Variants in DSCAM observed in about 807,000 individuals in gnomAD.
DSCAM encodes the protein DS cell adhesion molecule, also known as cell adhesion molecule DSCAM.
Under a neutral mutation model 217.7 loss-of-function variants are expected in DSCAM, and 47 were observed. The observed-to-expected ratio is 0.22, with a 90% CI of 0.17 to 0.28. The LOEUF (loss-of-function observed/expected upper bound fraction) is 0.28, where lower values mean the gene tolerates loss of function less well. Ranked by LOEUF, DSCAM falls within the 10% of genes least tolerant of loss-of-function variation. The pLI, the probability that DSCAM is intolerant of heterozygous loss-of-function variation, is 1.00. For missense variants in DSCAM, 2,080 were observed against 2,618.3 expected (o/e 0.79, Z 4.49); for synonymous variants, 1,056 against 1,015.3 (o/e 1.04, Z -0.76).
chr21:40,753,585 G>A (rs1336684952), intron 1 of DSCAM, among the ~76,000 whole-genome samples: 1 of 152,130 alleles, frequency 6.6e-6, no homozygotes, highest in Non-Finnish European at 1.5e-5. Context: ...AAACTAATTG[G>A]ATTGCTGGGT....
chr21:40,597,108 A>G (rs968333398), intron 3 of DSCAM, among the ~76,000 whole-genome samples: 2 of 152,176 alleles, frequency 1.3e-5, no homozygotes, highest in Non-Finnish European at 2.9e-5. Context: ...ATTTTCAGAA[A>G]CCCAAATCTA....
intron 3 of DSCAM, among the ~76,000 whole-genome samples, chr21:40,665,392 AGCAG>A (rs1353963627): frequency 6.6e-6 from 1 of 152,180 alleles, no homozygotes; most frequent in East Asian, 1.9e-4. Flanking sequence ...CTGGACTCTG[AGCAG>A]GCTGTTGTGG....
chr21:40,138,949 G>A (rs2090252801), intron 18 of DSCAM, among the ~76,000 whole-genome samples: 1 of 147,278 alleles, frequency 6.8e-6, no homozygotes, highest in African/African-American at 2.5e-5. Context: ...TATATGGGGT[G>A]TGTGTGGTGT....
rs752207799 is a variant in DSCAM, at chr21:40,194,046, C to T, written c.2357-4808G>A. ...TCTTTTCCTTTTTTAAAAAAATAAT[C>T]ACAAGTTTTATCGCATTTGATGAGA... On this transcript the variant is annotated intron_variant, in intron 11 of 32. Coordinates refer to ENST00000400454, the MANE Select transcript of DSCAM (RefSeq NM_001389.5). 2.0e-4 allele frequency among the ~76,000 whole-genome samples: 31 copies of T among 152,266 alleles called. 1 individual carries two copies. Among genetic ancestry groups the T allele is most frequent in the Middle Eastern group, 3.4e-3 (1 of 294 alleles).
At chr21:40,625,498 T>G (rs1026440654) in intron 3 of DSCAM, among the ~76,000 whole-genome samples, 2 of 152,082 alleles carry the variant, frequency 1.3e-5, no homozygotes, top group African/African-American at 4.8e-5. Flanking sequence ...CTAACAGCTC[T>G]CTCAGTGCCT....
intron 1 of DSCAM, among the ~76,000 whole-genome samples, chr21:40,764,513 T>C (rs2091368109): frequency 6.6e-6 from 1 of 152,112 alleles, no homozygotes; most frequent in Non-Finnish European, 1.5e-5. Flanking sequence ...GAGTGTAAAT[T>C]AGTTCAACCA....
chr21:40,414,878 C>T (rs952946335), intron 3 of DSCAM, among the ~76,000 whole-genome samples: 1 of 152,126 alleles, frequency 6.6e-6, no homozygotes, highest in Non-Finnish European at 1.5e-5. Context: ...GAAGGAAGAG[C>T]TATTTATTCA....
chr21:40,509,433 A>G (rs2076240885), intron 3 of DSCAM, among the ~76,000 whole-genome samples: 1 of 152,014 alleles, frequency 6.6e-6, no homozygotes, highest in Non-Finnish European at 1.5e-5. Context: ...GCCAAAGGAG[A>G]TTTGATTTTC....
rs143484127 is a variant in DSCAM, at chr21:40,379,942, T to A, written c.509-10697A>T. 9.7e-3 allele frequency among the ~76,000 whole-genome samples: 1,476 copies of A among 152,294 alleles called. 30 individuals carry two copies. The highest frequency in any genetic ancestry group is 0.034 in the African/African-American group (1,407 of 41,540). ...GCCCCAGCGTGGATCTTGAGCCGCC[T>A]GGAAGAAATCATTTGGCTAGAAATA... On this transcript the variant is annotated intron_variant, in intron 3 of 32. Transcript: ENST00000400454.
intron 3 of DSCAM, among the ~76,000 whole-genome samples, chr21:40,415,877 C>T (rs376773376): frequency 2.0e-5 from 3 of 152,114 alleles, no homozygotes; most frequent in African/African-American, 7.2e-5. Flanking sequence ...TGTCATGCAT[C>T]GCTGTCATCA....
chr21:40,229,375 C>T (rs1290194222), intron 11 of DSCAM, among the ~76,000 whole-genome samples: 1 of 152,198 alleles, frequency 6.6e-6, no homozygotes, highest in Non-Finnish European at 1.5e-5. Flanking sequence ...TTTTAATTCA[C>T]CTACATTAAG....
intron 3 of DSCAM, among the ~76,000 whole-genome samples, chr21:40,465,145 A>T (rs1483481786): frequency 6.6e-6 from 1 of 152,090 alleles, no homozygotes; most frequent in Non-Finnish European, 1.5e-5. Flanking sequence ...CTTCATGTAC[A>T]TATAAGATCT....
intron 3 of DSCAM, among the ~76,000 whole-genome samples, chr21:40,690,909 C>A (rs563779830): frequency 6.6e-6 from 1 of 152,140 alleles, no homozygotes; most frequent in South Asian, 2.1e-4. Context: ...TAGAGAAGAA[C>A]AACACACACT....
At chr21:40,188,996 T>A (rs1568990418) in intron 12 of DSCAM, 46 bp downstream of exon 12, 1 of 1,584,698 alleles carries the variant, frequency 6.3e-7, no homozygotes, top group Non-Finnish European at 8.6e-7. Context: ...AGACTTATTC[T>A]TCCAATAAAG....
intron 3 of DSCAM, among the ~76,000 whole-genome samples, chr21:40,434,646 A>T (rs1180893441): frequency 6.6e-6 from 1 of 152,204 alleles, no homozygotes. Context: ...AAAATAATGC[A>T]GCAGCACCTC....
chr21:40,781,032 G>A (rs112828704), intron 1 of DSCAM, among the ~76,000 whole-genome samples: 3 of 151,450 alleles, frequency 2.0e-5, no homozygotes, highest in African/African-American at 4.9e-5. Context: ...TTCTTGAGAC[G>A]GAGTCCCACC....
chr21:40,595,382 A>AAAAAAG (rs10633637), intron 3 of DSCAM, among the ~76,000 whole-genome samples: 32 of 150,428 alleles, frequency 2.1e-4, no homozygotes, highest in Non-Finnish European at 4.0e-4. Context: ...TGTCTCAAAA[A>AAAAAAG]AAAAGAAAAG....
At chr21:40,224,063 T>C (rs372282718) in intron 11 of DSCAM, among the ~76,000 whole-genome samples, 1 of 152,236 alleles carries the variant, frequency 6.6e-6, no homozygotes, top group Non-Finnish European at 1.5e-5. Flanking sequence ...GTCATAACAA[T>C]GTATGTACTA....
At chr21:40,841,093 C>A (rs1391609456) in intron 1 of DSCAM, among the ~76,000 whole-genome samples, 1 of 152,170 alleles carries the variant, frequency 6.6e-6, no homozygotes, top group Admixed American at 6.5e-5. Flanking sequence ...ACGATTACCA[C>A]AGACTCCATC....
Sources: allele counts gnomAD v4.1 joint callset (sites outside exome capture counted in the v4.1 genomes callset), GRCh38; gene constraint gnomAD v4.1.1; transcripts MANE v1.5; gene names NCBI Gene and HGNC (gene_info 2026-07-23, HGNC 2026-07-21).